PDGFD: variants seen among roughly 807,000 people sequenced by gnomAD.
PDGFD encodes platelet derived growth factor D.
Under a neutral mutation model 44.7 loss-of-function variants are expected in PDGFD, and 30 were observed. The observed-to-expected ratio is 0.67, with a 90% confidence interval of 0.50 to 0.91. PDGFD has a LOEUF of 0.91. Ranked by LOEUF, PDGFD falls within the 40% of genes least tolerant of loss-of-function variation. The pLI is 0.00. For synonymous variants in PDGFD, 173 were observed against 168.4 expected (o/e 1.03, Z -0.21); for missense variants, 445 against 457.8 (o/e 0.97, Z 0.25).
intron 1 of PDGFD, among the ~76,000 whole-genome samples, chr11:104,096,943 A>C (rs1428176401): frequency 6.6e-6 from 1 of 152,180 alleles, no homozygotes. Flanking sequence ...AAATTCACTT[A>C]AGTGAGGTCA....
rs544378531 is a variant in PDGFD at position 104,140,393 on chromosome 11, C to T, written c.124+23411G>A. ...AGAGACAAGTTAAAGAGATTGAGCTCACATGCAATTACTTAGTGCATGAAA... is the reference window on the plus strand; with the variant it reads ...AGAGACAAGTTAAAGAGATTGAGCTTACATGCAATTACTTAGTGCATGAAA... On this transcript the variant is annotated intron_variant, in intron 1 of 6. Transcript: ENST00000393158. 1.3e-3 allele frequency among the ~76,000 whole-genome samples: 198 copies of T among 152,162 alleles called. 1 individual carries two copies. The highest frequency in any genetic ancestry group is 4.6e-3 in the African/African-American group (192 of 41,470).
At chr11:104,102,231 GA>G (rs1424920299) in intron 1 of PDGFD, among the ~76,000 whole-genome samples, 1 of 151,956 alleles carries the variant, frequency 6.6e-6, no homozygotes, top group Admixed American at 6.6e-5. Flanking sequence ...AAATTTACAA[GA>G]AAAAAACAAA....
chr11:104,002,647 A>G (rs1375369331), intron 1 of PDGFD, among the ~76,000 whole-genome samples: 2 of 152,214 alleles, frequency 1.3e-5, no homozygotes, highest in Non-Finnish European at 2.9e-5. Flanking sequence ...TTGAGCTATT[A>G]GTCAGTCAAC....
At chr11:103,989,534 A>C (rs942997708) in intron 3 of PDGFD, among the ~76,000 whole-genome samples, 1 of 152,238 alleles carries the variant, frequency 6.6e-6, no homozygotes, top group Non-Finnish European at 1.5e-5. Context: ...ATTGCAGTAC[A>C]TAATGAAAAC....
intron 1 of PDGFD, among the ~76,000 whole-genome samples, chr11:104,056,261 T>C (rs986799658): frequency 6.6e-6 from 1 of 152,188 alleles, no homozygotes; most frequent in African/African-American, 2.4e-5. Context: ...TATGGAGCAA[T>C]GTCTTTATTT....
At chr11:104,004,657 T>C in intron 1 of PDGFD, among the ~76,000 whole-genome samples, 1 of 152,112 alleles carries the variant, frequency 6.6e-6, no homozygotes, top group East Asian at 1.9e-4. Context: ...CAGATTTATT[T>C]TTCCTTAAAA....
intron 1 of PDGFD, among the ~76,000 whole-genome samples, chr11:104,055,170 A>G (rs1171776019): frequency 6.6e-6 from 1 of 152,204 alleles, no homozygotes; most frequent in Non-Finnish European, 1.5e-5. Context: ...CATGTCAAAT[A>G]AAGTATTTAT....
chr11:104,022,664 T>C (rs773197345), intron 1 of PDGFD, among the ~76,000 whole-genome samples: 8 of 152,060 alleles, frequency 5.3e-5, no homozygotes, highest in Non-Finnish European at 7.4e-5. Context: ...ATTTAGTATA[T>C]ATATTTGAAC....
At chr11:104,005,949 C>G (rs77314511) in intron 1 of PDGFD, among the ~76,000 whole-genome samples, 1 of 152,190 alleles carries the variant, frequency 6.6e-6, no homozygotes, top group Non-Finnish European at 1.5e-5. Context: ...ATGTTCACAT[C>G]CTCATAAACT....
At position 103,909,474 on chromosome 11, in the gene PDGFD, T is replaced by C. The variant is rs1591070683; in HGVS notation, c.*220A>G. 5.7e-6 allele frequency: 3 copies of C among 527,148 alleles called. No individual in the cohort carries two copies. The highest frequency in any genetic ancestry group is 2.4e-5 in the South Asian group (1 of 41,480). 32.7% of individuals were successfully genotyped at this position (527,148 alleles called of 1,614,324 possible). On this transcript the variant is annotated 3_prime_UTR_variant, in exon 7 of 7. Transcript: ENST00000393158. ...TGTGCATATATAACCTCAAACACTATTATTAAATGCAATCCTATATTCTTA... is the reference window on the plus strand; with the variant it reads ...TGTGCATATATAACCTCAAACACTACTATTAAATGCAATCCTATATTCTTA...
In PDGFD at chr11:103,913,321, C is replaced by G. The variant is rs147235051; in HGVS notation, c.988-3502G>C. Among the ~76,000 whole-genome samples the G allele has an allele frequency of 6.1e-3, 931 of 152,316 alleles. 5 individuals carry two copies. The highest frequency in any genetic ancestry group is 0.053 in the South Asian group (256 of 4,828). Reference sequence around the variant, plus strand: ...ACAGTCTCTCAGACTACAGTGCAATCTATTTAGAACTCAGAATTAAGAAAC... The same window carrying G: ...ACAGTCTCTCAGACTACAGTGCAATGTATTTAGAACTCAGAATTAAGAAAC... On this transcript the variant is annotated intron_variant, in intron 6 of 6. Coordinates refer to ENST00000393158, the MANE Select transcript of PDGFD (RefSeq NM_025208.5).
At chr11:104,114,310 C>T (rs1861601000) in intron 1 of PDGFD, among the ~76,000 whole-genome samples, 1 of 148,898 alleles carries the variant, frequency 6.7e-6, no homozygotes, top group Non-Finnish European at 1.5e-5. Flanking sequence ...TTTTTTTCTG[C>T]ATGTGGATGC....
intron 1 of PDGFD, among the ~76,000 whole-genome samples, chr11:104,081,204 T>C (rs921979276): frequency 6.6e-6 from 1 of 152,222 alleles, no homozygotes; most frequent in African/African-American, 2.4e-5. Context: ...TTTTGTTATA[T>C]GCAATAGATA....
intron 1 of PDGFD, among the ~76,000 whole-genome samples, chr11:104,141,395 T>C (rs1565346942): frequency 7.7e-6 from 1 of 130,254 alleles, no homozygotes; most frequent in East Asian, 2.3e-4. Context: ...AGAGATTTAA[T>C]TTAATTTTTT....
intron 1 of PDGFD, among the ~76,000 whole-genome samples, chr11:104,137,107 A>G (rs1862017814): frequency 6.6e-6 from 1 of 152,198 alleles, no homozygotes; most frequent in Admixed American, 6.5e-5. Flanking sequence ...GGGTCTACTG[A>G]ACACTAGGTT....
rs573601502 is a variant in PDGFD at position 104,163,935 on chromosome 11, C to A, written c.-8G>T. On this transcript the variant is annotated 5_prime_UTR_variant, in exon 1 of 7. Transcript: ENST00000393158. ...AAAGATGAGCCGGTGCATTTGGGAT[C>A]AGCGACTAGAGACAGCGTCGCTCCA... 45 of 1,538,726 alleles carry A rather than the reference C, an allele frequency of 2.9e-5. No homozygotes were observed. The South Asian group carries it at 5.4e-4, about 19-fold the overall frequency.
chr11:103,967,305 C>T lies in PDGFD; in HGVS notation c.511-19581G>A, dbSNP rs868773281. Among the ~76,000 whole-genome samples, 3 of 152,122 alleles carry T rather than the reference C, an allele frequency of 2.0e-5. No individual in the cohort carries two copies. In the South Asian group the frequency reaches 6.2e-4, roughly 32 times the overall value. On this transcript the variant is annotated intron_variant, in intron 3 of 6. Coordinates refer to ENST00000393158, the MANE Select transcript of PDGFD (RefSeq NM_025208.5). ...GTCAACTGGGTTCCTATATTTGTCT[C>T]CACCCCTTGTTACCATCATTCTGGA...
At chr11:104,014,698 G>A (rs1250104322) in intron 1 of PDGFD, among the ~76,000 whole-genome samples, 3 of 152,150 alleles carry the variant, frequency 2.0e-5, no homozygotes, top group Non-Finnish European at 4.4e-5. Flanking sequence ...AAGCCAAATA[G>A]GCATCTTCGA....
At chr11:103,912,227 G>A (rs186867616) in intron 6 of PDGFD, among the ~76,000 whole-genome samples, 4 of 152,310 alleles carry the variant, frequency 2.6e-5, no homozygotes, top group Admixed American at 2.6e-4. Context: ...GGCAGCCAGA[G>A]AGAAAGGTTG....
Sources: gnomAD v4.1 joint callset for allele counts (sites outside exome capture counted in the v4.1 genomes callset) on GRCh38, gnomAD v4.1.1 for gene constraint, MANE v1.5 for transcripts, NCBI Gene and HGNC (gene_info 2026-07-23, HGNC 2026-07-21) for gene names.